Variants in NAALADL2 observed in about 807,000 individuals in gnomAD.
The protein encoded by NAALADL2 is inactive N-acetylated-alpha-linked acidic dipeptidase-like protein 2.
In NAALADL2, 76 loss-of-function variants were observed where a neutral mutation model predicts 87.2. The observed-to-expected ratio is 0.87, with a 90% CI of 0.72 to 1.05. The LOEUF is 1.05. NAALADL2 is among the 50% of genes least tolerant of loss of function. NAALADL2 has a pLI of 0.00. For synonymous variants in NAALADL2, 354 were observed against 331.0 expected, an observed-to-expected ratio of 1.07 and a Z score of -0.75; for missense variants, 1,089 against 945.8, an observed-to-expected ratio of 1.15 and a Z score of -1.99.
At chr3:175,493,976 G>A (rs73045064) in intron 9 of NAALADL2, among the ~76,000 whole-genome samples, 10,599 of 151,992 alleles carry the variant, frequency 0.07, 435 homozygotes, top group South Asian at 0.15. Flanking sequence ...TCTCTATCTT[G>A]TTTGTAACAT....
chr3:175,101,389 C>T (rs1722141508), intron 2 of NAALADL2, among the ~76,000 whole-genome samples: 1 of 152,174 alleles, frequency 6.6e-6, no homozygotes, highest in Non-Finnish European at 1.5e-5. Context: ...AGTTGAGATG[C>T]TGGTTATCTT....
chr3:174,848,281 A>G (rs1724863390), intron 3 of NAALADL2, among the ~76,000 whole-genome samples: 2 of 152,100 alleles, frequency 1.3e-5, no homozygotes, highest in Admixed American at 1.3e-4. Flanking sequence ...GAAAATCAGA[A>G]CTAAATAATA....
chr3:175,085,281 T>C (rs1383958949), intron 1 of NAALADL2, among the ~76,000 whole-genome samples: 1 of 152,174 alleles, frequency 6.6e-6, no homozygotes, highest in Non-Finnish European at 1.5e-5. Context: ...TTAATATAAA[T>C]AGAGGGCATA....
rs559072082 is a variant in NAALADL2, at chr3:174,509,048, G to A, written c.-183-41521G>A. Among the ~76,000 whole-genome samples, 6 of 151,434 alleles carry A rather than the reference G, an allele frequency of 4.0e-5. No individual in the cohort carries two copies. The South Asian group carries it at 1.3e-3, about 32-fold the overall frequency. ...AGCGTTTTCTGCATGGACAATTATG[G>A]ACAATTTTTCTTTCCTGAAAATATA... On this transcript the variant is annotated intron_variant, in intron 1 of 3. Coordinates refer to the NAALADL2 transcript ENST00000434257.
intron 1 of NAALADL2, among the ~76,000 whole-genome samples, chr3:175,034,316 T>C (rs1753147754): frequency 6.6e-6 from 1 of 152,164 alleles, no homozygotes; most frequent in Non-Finnish European, 1.5e-5. Flanking sequence ...TAAAGCCAGA[T>C]ACAAGTTCTG....
Position 174,602,662 on chromosome 3 carries a change from A to G in NAALADL2, c.-115+52025A>G, listed in dbSNP as rs112040187. 8.5e-3 allele frequency among the ~76,000 whole-genome samples: 1,294 copies of G among 152,064 alleles called. 14 individuals carry two copies. Among genetic ancestry groups the G allele is most frequent in the African/African-American group, 0.03 (1,249 of 41,508 alleles). ...TGCTCTAGCTAGGACTTCTAGTACA[A>G]TGTTGAATTACTGTGATGATGGTGA... On this transcript the variant is annotated intron_variant, in intron 2 of 3. Transcript: ENST00000434257.
At chr3:175,314,016 T>G (rs1461976158) in intron 4 of NAALADL2, among the ~76,000 whole-genome samples, 1 of 148,910 alleles carries the variant, frequency 6.7e-6, no homozygotes, top group Non-Finnish European at 1.5e-5. Context: ...GAGTCAATAT[T>G]GTGCTAATAT....
chr3:175,767,387 C>A (rs148691076), intron 13 of NAALADL2, among the ~76,000 whole-genome samples: 180 of 151,954 alleles, frequency 1.2e-3, no homozygotes, highest in African/African-American at 4.0e-3. Flanking sequence ...TGCAACAAAC[C>A]CTCAAATTAC....
chr3:174,759,345 G>A (rs1712585825), intron 3 of NAALADL2, among the ~76,000 whole-genome samples: 1 of 152,130 alleles, frequency 6.6e-6, no homozygotes, highest in African/African-American at 2.4e-5. Flanking sequence ...ATACAAATTT[G>A]TTTGCCTGTG....
intron 2 of NAALADL2, among the ~76,000 whole-genome samples, chr3:175,214,816 C>T (rs921799769): frequency 2.0e-5 from 3 of 152,066 alleles, no homozygotes; most frequent in Admixed American, 6.6e-5. Flanking sequence ...AATTACAGCC[C>T]TAACCATTAG....
At chr3:174,511,707 A>G (rs1049978276) in intron 1 of NAALADL2, among the ~76,000 whole-genome samples, 2 of 147,840 alleles carry the variant, frequency 1.4e-5, no homozygotes, top group African/African-American at 2.5e-5. Flanking sequence ...TATTTCTCTT[A>G]TCTGTTTTTT....
In NAALADL2 at chr3:175,804,124, A is replaced by C. The variant is rs1368057878; in HGVS notation, c.*921A>C. ...TCTCAGAGTACTATATATTTTCAAC[A>C]GTAAAGTAGCAGAGTTTCTCTTTGA... On this transcript the variant is annotated 3_prime_UTR_variant, in exon 14 of 14. Coordinates refer to ENST00000454872, the MANE Select transcript of NAALADL2 (RefSeq NM_207015.3). 6.6e-6 allele frequency: 1 copy of C among 151,958 alleles called. No individual in the cohort carries two copies. Among genetic ancestry groups the C allele is most frequent in the African/African-American group, 2.4e-5 (1 of 41,432 alleles). 9.4% of individuals were successfully genotyped at this position (151,958 alleles called of 1,614,324 possible). A position where few individuals can be genotyped will look rare whatever the true frequency, so the allele number is the denominator to read the frequency against.
intron 11 of NAALADL2, among the ~76,000 whole-genome samples, chr3:175,652,668 C>T (rs374486030): frequency 2.6e-5 from 4 of 151,932 alleles, no homozygotes; most frequent in East Asian, 1.9e-4. Context: ...TTAGTAGAAA[C>T]GGGGTTTCAC....
rs7615951 is a variant in NAALADL2, at chr3:175,549,768, A to G, written c.1654-26273A>G. ...CAAAAAACTTAAGTCTTTAAGACTTACAGTCAGAAGTTATTATTACACTAG... is the reference window on the plus strand; with the variant it reads ...CAAAAAACTTAAGTCTTTAAGACTTGCAGTCAGAAGTTATTATTACACTAG... On this transcript the variant is annotated intron_variant, in intron 9 of 13. Coordinates refer to ENST00000454872, the MANE Select transcript of NAALADL2 (RefSeq NM_207015.3). Among the ~76,000 whole-genome samples the G allele has an allele frequency of 1.2e-3, 179 of 152,190 alleles. 1 individual carries two copies. The highest frequency in any genetic ancestry group is 4.2e-3 in the African/African-American group (174 of 41,578).
intron 9 of NAALADL2, among the ~76,000 whole-genome samples, chr3:175,473,607 T>TA (rs1472008124): frequency 6.6e-6 from 1 of 151,700 alleles, no homozygotes; most frequent in Non-Finnish European, 1.5e-5. Context: ...ATCACATTTT[T>TA]AAAAAATTAT....
At chr3:174,781,359 T>A (rs1229210413) in intron 3 of NAALADL2, among the ~76,000 whole-genome samples, 1 of 151,786 alleles carries the variant, frequency 6.6e-6, no homozygotes, top group East Asian at 2.0e-4. Context: ...TCCTGGATAA[T>A]ATCCTGAAGA....
intron 2 of NAALADL2, among the ~76,000 whole-genome samples, chr3:175,212,304 T>C (rs1741873338): frequency 6.6e-6 from 1 of 151,566 alleles, no homozygotes; most frequent in Non-Finnish European, 1.5e-5. Flanking sequence ...CACATTACTA[T>C]ATAAGAGTTA....
chr3:174,876,480 T>A (rs1165770702), intron 1 of NAALADL2, among the ~76,000 whole-genome samples: 1 of 152,192 alleles, frequency 6.6e-6, no homozygotes, highest in Admixed American at 6.5e-5. Context: ...TTATAAAATA[T>A]TTGTAATGGT....
intron 6 of NAALADL2, among the ~76,000 whole-genome samples, chr3:175,448,357 A>G (rs1721023878): frequency 6.6e-6 from 1 of 152,248 alleles, no homozygotes; most frequent in Non-Finnish European, 1.5e-5. Context: ...TCTGAGCCCA[A>G]CAAATTGATT....
Sources: gnomAD v4.1 joint callset for allele counts (sites outside exome capture counted in the v4.1 genomes callset) on GRCh38, gnomAD v4.1.1 for gene constraint, MANE v1.5 for transcripts, NCBI Gene and HGNC (gene_info 2026-07-23, HGNC 2026-07-21) for gene names.